GALNT17: variants seen among roughly 807,000 people sequenced by gnomAD.
The protein encoded by GALNT17 is UDP-GalNAc:polypeptide N-acetylgalactosaminyltransferase-like 3.
Under a neutral mutation model 63.7 loss-of-function variants are expected in GALNT17, and 29 were observed. The ratio of observed to expected loss-of-function variants is 0.46; its 90% confidence interval spans 0.34 to 0.62. The LOEUF (loss-of-function observed/expected upper bound fraction) is 0.62. Among genes scored for constraint, GALNT17 ranks in the 20% least tolerant of loss-of-function variants. The pLI, the probability that GALNT17 is intolerant of heterozygous loss-of-function variation, is 0.01. For missense variants in GALNT17, 603 were observed against 799.6 expected (o/e 0.75, Z 2.97); for synonymous variants, 305 against 318.3 (o/e 0.96, Z 0.45).
intron 5 of GALNT17, among the ~76,000 whole-genome samples, chr7:71,458,269 C>T (rs528990865): frequency 1.4e-3 from 209 of 152,330 alleles, no homozygotes; most frequent in Non-Finnish European, 2.3e-3. Context: ...ACAACTACAT[C>T]GAAACAGGAG....
At chr7:71,270,555 A>G (rs973844996) in intron 1 of GALNT17, among the ~76,000 whole-genome samples, 3 of 151,582 alleles carry the variant, frequency 2.0e-5, no homozygotes, top group African/African-American at 7.3e-5. Flanking sequence ...AAAAAAAAAA[A>G]AAAAAAGAAA....
At chr7:71,387,557 C>T (rs553668142) in intron 2 of GALNT17, among the ~76,000 whole-genome samples, 1 of 152,206 alleles carries the variant, frequency 6.6e-6, no homozygotes, top group Non-Finnish European at 1.5e-5. Flanking sequence ...AACTCCTGGC[C>T]TCAAGCGACG....
rs61515412 is a variant in GALNT17, at chr7:71,156,579, G to GTCCTTCCTTCCT, written c.238+23568_238+23579dup. On this transcript the variant is annotated intron_variant, in intron 1 of 10. Transcript: ENST00000333538. ...TTAAATTCATTTATTCACATGAGATGTCCTTCCTTCCTTCCTTCCTTCCTT... is the reference window on the plus strand; with the variant it reads ...TTAAATTCATTTATTCACATGAGATGTCCTTCCTTCCTTCCTTCCTTCCTTCCTTCCTTCCTT... Among the ~76,000 whole-genome samples, 834 of 139,892 alleles carry GTCCTTCCTTCCT rather than the reference G, an allele frequency of 6.0e-3. 18 individuals carry two copies. The highest frequency in any genetic ancestry group is 0.017 in the African/African-American group (596 of 34,604). The allele number at this position is 139,892 out of a possible 152,430, so 91.8% of individuals were successfully genotyped here.
chr7:71,671,572 G>C (rs1466799562), intron 8 of GALNT17, among the ~76,000 whole-genome samples: 1 of 152,214 alleles, frequency 6.6e-6, no homozygotes, highest in Admixed American at 6.5e-5. Context: ...ATGAAGACTA[G>C]AGCCAGCCTG....
At chr7:71,247,219 AAGAAG>A (rs1790114777) in intron 1 of GALNT17, among the ~76,000 whole-genome samples, 1 of 152,158 alleles carries the variant, frequency 6.6e-6, no homozygotes, top group Non-Finnish European at 1.5e-5. Flanking sequence ...ATTTATCTTG[AAGAAG>A]AGTGAAAACA....
In GALNT17 at chr7:71,549,899, T is replaced by C. The variant is rs537564925; in HGVS notation, c.963-21386T>C. Among the ~76,000 whole-genome samples, 176 of 151,872 alleles carry C rather than the reference T, an allele frequency of 1.2e-3. 1 individual carries two copies. The highest frequency in any genetic ancestry group is 4.1e-3 in the African/African-American group (169 of 41,438). ...AAAGCATCCAGAGAAAGCGTGTGGC[T>C]TTCTCAGCTATATTCTGACCCTGCT... On this transcript the variant is annotated intron_variant, in intron 5 of 10. Coordinates refer to ENST00000333538, the MANE Select transcript of GALNT17 (RefSeq NM_022479.3).
chr7:71,416,471 G>A (rs781077973), intron 4 of GALNT17, among the ~76,000 whole-genome samples: 13 of 152,172 alleles, frequency 8.5e-5, no homozygotes, highest in African/African-American at 3.1e-4. Context: ...AATTAACCTG[G>A]CATGGTGGAG....
At chr7:71,150,553 C>T (rs1207678460) in intron 1 of GALNT17, among the ~76,000 whole-genome samples, 3 of 150,666 alleles carry the variant, frequency 2.0e-5, no homozygotes, top group Non-Finnish European at 4.4e-5. Context: ...TGCTGTGTCC[C>T]AGGCTGGAGT....
chr7:71,465,570 G>T (rs1203392268), intron 5 of GALNT17, among the ~76,000 whole-genome samples: 1 of 152,212 alleles, frequency 6.6e-6, no homozygotes, highest in Non-Finnish European at 1.5e-5. Flanking sequence ...TGCATGGGAA[G>T]CCACAGAAGA....
chr7:71,269,014 C>G (rs1790539741), intron 1 of GALNT17, among the ~76,000 whole-genome samples: 1 of 152,180 alleles, frequency 6.6e-6, no homozygotes, highest in African/African-American at 2.4e-5. Context: ...ATAAAAGTCC[C>G]TAGAGGCCAG....
intron 1 of GALNT17, among the ~76,000 whole-genome samples, chr7:71,251,197 T>C (rs1350041463): frequency 1.4e-5 from 2 of 147,990 alleles, no homozygotes; most frequent in Non-Finnish European, 3.0e-5. Flanking sequence ...TGGAGAACTC[T>C]GAAAGAGAAT....
chr7:71,641,416 C>T (rs1347373002), intron 6 of GALNT17, among the ~76,000 whole-genome samples: 1 of 152,120 alleles, frequency 6.6e-6, no homozygotes, highest in African/African-American at 2.4e-5. Context: ...AAATACCGTA[C>T]ACTAGGTAGC....
intron 6 of GALNT17, among the ~76,000 whole-genome samples, chr7:71,577,741 C>T (rs1015991954): frequency 6.6e-6 from 1 of 152,152 alleles, no homozygotes; most frequent in Non-Finnish European, 1.5e-5. Context: ...CAGAGTTTAA[C>T]CCAGATGCCT....
chr7:71,231,292 C>T (rs1428938971), intron 1 of GALNT17, among the ~76,000 whole-genome samples: 1 of 150,818 alleles, frequency 6.6e-6, no homozygotes, highest in African/African-American at 2.4e-5. Flanking sequence ...CTTTTGGGAG[C>T]TTGTTTACAA....
In GALNT17 at chr7:71,712,077, G is replaced by T; in HGVS notation, c.1728G>T (p.Leu576=). ...GRCLEVENRG[L]AGIDLILRSC... Reference sequence around the variant, plus strand: ...GCCTGGAGGTGGAGAACCGGGGCCTGGCTGGCATCGACCTCATCCTCCGCA... The same window carrying T: ...GCCTGGAGGTGGAGAACCGGGGCCTTGCTGGCATCGACCTCATCCTCCGCA... The change falls in exon 11 of 11, where the codon CTG becomes CTT. Residue 576 remains leucine (L), a synonymous_variant. Coordinates refer to ENST00000333538, the MANE Select transcript of GALNT17 (RefSeq NM_022479.3). The T allele has an allele frequency of 6.2e-7, 1 of 1,614,114 alleles. No individual in the cohort carries two copies. The highest frequency in any genetic ancestry group is 8.5e-7 in the Non-Finnish European group (1 of 1,179,996).
chr7:71,189,977 A>AT (rs1788921066), intron 1 of GALNT17, among the ~76,000 whole-genome samples: 1 of 151,714 alleles, frequency 6.6e-6, no homozygotes, highest in Admixed American at 6.6e-5. Flanking sequence ...CGCCTGGCTA[A>AT]TTTTTTTGTA....
At chr7:71,441,625 C>G (rs1787068588) in intron 5 of GALNT17, among the ~76,000 whole-genome samples, 1 of 152,142 alleles carries the variant, frequency 6.6e-6, no homozygotes, top group Non-Finnish European at 1.5e-5. Context: ...TCCTAATGCT[C>G]TCCCTCCCTT....
At chr7:71,675,858 G>A in intron 8 of GALNT17, among the ~76,000 whole-genome samples, 1 of 151,992 alleles carries the variant, frequency 6.6e-6, no homozygotes, top group East Asian at 1.9e-4. Context: ...CGTGGTAGCG[G>A]GCGACTGTAA....
At chr7:71,446,352 T>A (rs1327687431) in intron 5 of GALNT17, among the ~76,000 whole-genome samples, 1 of 152,228 alleles carries the variant, frequency 6.6e-6, no homozygotes, top group Non-Finnish European at 1.5e-5. Context: ...AGATAATCAC[T>A]GATAATCATA....
Sources: gnomAD v4.1 joint callset for allele counts (sites outside exome capture counted in the v4.1 genomes callset) on GRCh38, gnomAD v4.1.1 for gene constraint, MANE v1.5 for transcripts, NCBI Gene and HGNC (gene_info 2026-07-23, HGNC 2026-07-21) for gene names.